PDZD2: variants seen among roughly 807,000 people sequenced by gnomAD.
PDZD2 encodes the protein PDZ domain-containing protein 2.
In PDZD2, 90 loss-of-function variants were observed where a neutral mutation model predicts 220.7. The ratio of observed to expected loss-of-function variants is 0.41; its 90% CI spans 0.34 to 0.49. The LOEUF (loss-of-function observed/expected upper bound fraction) is 0.49, where lower values mean the gene tolerates loss of function less well. Ranked by LOEUF, PDZD2 falls within the 20% of genes least tolerant of loss-of-function variation. PDZD2 has a pLI of 0.28. For synonymous variants in PDZD2, 1,375 were observed against 1,450.5 expected, an observed-to-expected ratio of 0.95 and a Z score of 1.18; for missense variants, 3,174 against 3,608.5, an observed-to-expected ratio of 0.88 and a Z score of 3.08.
At chr5:31,707,095 T>G (rs143086141) in intron 1 of PDZD2, among the ~76,000 whole-genome samples, 7,701 of 135,996 alleles carry the variant, frequency 0.057, 259 homozygotes, top group Middle Eastern at 0.13. Flanking sequence ...TAGGTGGGAA[T>G]TGAACAATGA....
At chr5:32,033,105 G>C (rs1003342901) in intron 6 of PDZD2, among the ~76,000 whole-genome samples, 11 of 152,208 alleles carry the variant, frequency 7.2e-5, no homozygotes, top group African/African-American at 2.7e-4. Context: ...ATTAGAAACT[G>C]CTCATGAATA....
chr5:31,834,104 A>G (rs1239616000), intron 2 of PDZD2, among the ~76,000 whole-genome samples: 1 of 152,222 alleles, frequency 6.6e-6, no homozygotes, highest in Non-Finnish European at 1.5e-5. Flanking sequence ...ATACAAAGGA[A>G]CTTCAAGAAC....
At chr5:31,668,068 G>A (rs2150116267) in intron 1 of PDZD2, among the ~76,000 whole-genome samples, 1 of 152,050 alleles carries the variant, frequency 6.6e-6, no homozygotes, top group East Asian at 1.9e-4. Context: ...TCACCATATT[G>A]GCCAGGCTGG....
intron 1 of PDZD2, among the ~76,000 whole-genome samples, chr5:31,666,502 C>G (rs1561372151): frequency 1.3e-5 from 2 of 152,216 alleles, no homozygotes; most frequent in African/African-American, 4.8e-5. Context: ...GCTTGCTGAT[C>G]CTGCATTTAC....
At chr5:31,879,308 A>G (rs569922444) in intron 2 of PDZD2, among the ~76,000 whole-genome samples, 1 of 151,468 alleles carries the variant, frequency 6.6e-6, no homozygotes, top group Non-Finnish European at 1.5e-5. Flanking sequence ...AATGGCGTGA[A>G]CCTGGGAGGC....
intron 2 of PDZD2, among the ~76,000 whole-genome samples, chr5:31,833,284 A>G (rs1318620698): frequency 2.0e-5 from 3 of 152,236 alleles, no homozygotes; most frequent in African/African-American, 4.8e-5. Context: ...CCTGGGAGAC[A>G]TGGCAAAACC....
chr5:32,008,062 G>A (rs1752976750), intron 5 of PDZD2, among the ~76,000 whole-genome samples: 1 of 151,682 alleles, frequency 6.6e-6, no homozygotes, highest in African/African-American at 2.4e-5. Context: ...GGCTGAGATG[G>A]GAGGACTACT....
chr5:31,898,808 C>CT (rs35589628), intron 2 of PDZD2, among the ~76,000 whole-genome samples: 62,143 of 123,470 alleles, frequency 0.5, 16,711 homozygotes, highest in Non-Finnish European at 0.64. Context: ...AGCCTCTCTT[C>CT]TTTTTTTTTT....
chr5:31,653,122 T>A (rs1258317811), intron 1 of PDZD2, among the ~76,000 whole-genome samples: 2 of 152,154 alleles, frequency 1.3e-5, no homozygotes, highest in Non-Finnish European at 2.9e-5. Flanking sequence ...TGCTGATAGA[T>A]ATGTATATCT....
intron 2 of PDZD2, among the ~76,000 whole-genome samples, chr5:31,890,360 C>T (rs1215915495): frequency 2.0e-5 from 3 of 152,016 alleles, no homozygotes; most frequent in Non-Finnish European, 4.4e-5. Flanking sequence ...TTGGACAGCG[C>T]AGTTCTGTGG....
At chr5:31,669,401 CAA>C (rs34910299) in intron 1 of PDZD2, among the ~76,000 whole-genome samples, 33,268 of 109,542 alleles carry the variant, frequency 0.3, 3,968 homozygotes, top group African/African-American at 0.37. Flanking sequence ...GACCCTGTCT[CAA>C]AAAAAAAAAA....
rs1329200588 is a variant in PDZD2, at chr5:31,799,047, T to C, written c.-202T>C. On this transcript the variant is annotated 5_prime_UTR_variant, in exon 2 of 25. Coordinates refer to ENST00000438447, the MANE Select transcript of PDZD2 (RefSeq NM_178140.4). Reference sequence around the variant, plus strand: ...GCACTCCAGTGCCATTGTTCCACAGTTGTTCTAATTGGGTCCTAGCTTCCT... The same window carrying C: ...GCACTCCAGTGCCATTGTTCCACAGCTGTTCTAATTGGGTCCTAGCTTCCT... 5.3e-6 allele frequency: 3 copies of C among 571,186 alleles called. No homozygotes were observed. Among genetic ancestry groups the C allele is most frequent in the Middle Eastern group, 4.6e-4 (1 of 2,170 alleles). 35.4% of individuals were successfully genotyped at this position (571,186 alleles called of 1,614,324 possible).
chr5:32,069,658 A>T lies in PDZD2; in HGVS notation c.2533+8A>T. 7.4e-7 allele frequency: 1 copy of T among 1,358,642 alleles called. No homozygotes were observed. Among genetic ancestry groups the T allele is most frequent in the Non-Finnish European group, 1.1e-6 (1 of 946,776 alleles). The allele number at this position is 1,358,642 out of a possible 1,614,324, so 84.2% of individuals were successfully genotyped here. ...ATTCCTCTCCTGGCTTAGGTACTGT[A>T]ATCTCACATTTTCATTCAACATTCA... On this transcript the variant is annotated splice_region_variant and intron_variant, in intron 15 of 24. Transcript: ENST00000438447.
chr5:32,052,847 G>C, intron 9 of PDZD2, 117 bp downstream of exon 9: 1 of 1,098,986 alleles, frequency 9.1e-7, no homozygotes, highest in East Asian at 2.4e-5. Flanking sequence ...TTCTTGCTCT[G>C]TTGCCCAGGC....
intron 1 of PDZD2, among the ~76,000 whole-genome samples, chr5:31,786,580 T>C (rs546312916): frequency 3.3e-5 from 5 of 152,204 alleles, no homozygotes; most frequent in Non-Finnish European, 5.9e-5. Flanking sequence ...CTATCTCCTC[T>C]GCAGTTCAAA....
At chr5:31,878,414 T>C (rs1444333963) in intron 2 of PDZD2, among the ~76,000 whole-genome samples, 1 of 152,058 alleles carries the variant, frequency 6.6e-6, no homozygotes, top group Non-Finnish European at 1.5e-5. Flanking sequence ...CAGAAGAACA[T>C]AGACAAGCCC....
intron 2 of PDZD2, chr5:31,936,338 A>G (rs1014952720): frequency 2.0e-6 from 2 of 983,352 alleles, no homozygotes; most frequent in South Asian, 9.4e-5. Context: ...TGACCAGCTC[A>G]TAAAGCAGGT....
intron 21 of PDZD2, among the ~76,000 whole-genome samples, chr5:32,093,235 T>TA (rs1196751253): frequency 1.3e-5 from 2 of 152,188 alleles, no homozygotes; most frequent in Non-Finnish European, 2.9e-5. Flanking sequence ...AATGTTCAGG[T>TA]GCCAGATGGG....
chr5:31,869,727 T>C (rs1449909264), intron 2 of PDZD2, among the ~76,000 whole-genome samples: 1 of 152,180 alleles, frequency 6.6e-6, no homozygotes, highest in Non-Finnish European at 1.5e-5. Flanking sequence ...TTCAGGATGT[T>C]CCAGAAAATT....
Sources: gnomAD v4.1 joint callset for allele counts (sites outside exome capture counted in the v4.1 genomes callset) on GRCh38, gnomAD v4.1.1 for gene constraint, MANE v1.5 for transcripts, NCBI Gene and HGNC (gene_info 2026-07-23, HGNC 2026-07-21) for gene names.